CACNA1A: variants seen among roughly 807,000 people sequenced by gnomAD.
CACNA1A encodes calcium voltage-gated channel subunit alpha1 A.
CACNA1A carries 57 observed loss-of-function variants against 262.4 expected under a neutral mutation model. The ratio of observed to expected loss-of-function variants is 0.22; its 90% CI spans 0.18 to 0.27. The LOEUF (loss-of-function observed/expected upper bound fraction) is 0.27, where lower values mean the gene tolerates loss of function less well. CACNA1A is among the 10% of genes least tolerant of loss of function. The pLI is 1.00. For synonymous variants in CACNA1A, 1,431 were observed against 1,419.3 expected (o/e 1.01, Z -0.18); for missense variants, 2,526 against 3,562.8 (o/e 0.71, Z 7.41).
At chr19:13,414,083 G>T (rs1215956018) in intron 3 of CACNA1A, among the ~76,000 whole-genome samples, 1 of 151,902 alleles carries the variant, frequency 6.6e-6, no homozygotes, top group Non-Finnish European at 1.5e-5. Flanking sequence ...AATTAGCCAG[G>T]TGTGTTGGTG....
At chr19:13,396,209 C>A (rs1054942011) in intron 3 of CACNA1A, among the ~76,000 whole-genome samples, 4 of 152,204 alleles carry the variant, frequency 2.6e-5, no homozygotes, top group Non-Finnish European at 1.5e-5. Flanking sequence ...CTTGTCAGAA[C>A]ACTCATTGGT....
intron 3 of CACNA1A, among the ~76,000 whole-genome samples, chr19:13,433,273 A>G (rs1271666311): frequency 6.8e-6 from 1 of 147,442 alleles, no homozygotes. Flanking sequence ...AGCCTGGGCT[A>G]CAGTGCGAGA....
intron 3 of CACNA1A, among the ~76,000 whole-genome samples, chr19:13,437,245 C>A (rs1357139516): frequency 6.6e-6 from 1 of 152,216 alleles, no homozygotes; most frequent in Non-Finnish European, 1.5e-5. Flanking sequence ...TCTAGCCACA[C>A]AGAACTGTGA....
chr19:13,483,298 G>A (rs1242455922), intron 1 of CACNA1A, among the ~76,000 whole-genome samples: 6 of 152,194 alleles, frequency 3.9e-5, no homozygotes, highest in African/African-American at 1.2e-4. Flanking sequence ...TTTAGGGTGA[G>A]TGAGAAGTAC....
At chr19:13,470,405 T>C (rs769806889) in intron 1 of CACNA1A, among the ~76,000 whole-genome samples, 2 of 152,200 alleles carry the variant, frequency 1.3e-5, no homozygotes, top group African/African-American at 2.4e-5. Flanking sequence ...TACTTGACCA[T>C]GCCCTTCTTA....
At chr19:13,449,867 A>AGTGGCTT (rs1163643016) in intron 3 of CACNA1A, among the ~76,000 whole-genome samples, 5 of 152,184 alleles carry the variant, frequency 3.3e-5, no homozygotes, top group African/African-American at 1.2e-4. Context: ...TTTGCTGGGC[A>AGTGGCTT]CAGTGGCTTA....
At chr19:13,342,385 A>G (rs554221216) in intron 6 of CACNA1A, among the ~76,000 whole-genome samples, 1 of 152,314 alleles carries the variant, frequency 6.6e-6, no homozygotes, top group Admixed American at 6.5e-5. Flanking sequence ...AGGGAGGGAT[A>G]TGCACAAGTC....
chr19:13,356,143 C>CTCCA (rs1285909077), intron 6 of CACNA1A, among the ~76,000 whole-genome samples: 1 of 152,230 alleles, frequency 6.6e-6, no homozygotes, highest in East Asian at 1.9e-4. Flanking sequence ...TCACACCTCA[C>CTCCA]TCCACTTCCT....
chr19:13,231,562 G>A (rs1050281886), intron 35 of CACNA1A, 148 bp downstream of exon 35: 20 of 785,752 alleles, frequency 2.5e-5, no homozygotes, highest in Admixed American at 1.9e-4. Context: ...AGTTTGAGAC[G>A]CTCAGGGTCA....
intron 3 of CACNA1A, among the ~76,000 whole-genome samples, chr19:13,397,177 GT>G: frequency 6.6e-6 from 1 of 152,268 alleles, no homozygotes; most frequent in Non-Finnish European, 1.5e-5. Context: ...AGACCTTGAA[GT>G]CCCCCCAGTT....
chr19:13,506,259 G>A lies in CACNA1A; in HGVS notation c.-35C>T, dbSNP rs1196114314. ...AGCAAAGGGCTCCGGGTTACGCTGCGGCGAACGATGCGGAAGACGCCGCCG... is the reference window on the plus strand; with the variant it reads ...AGCAAAGGGCTCCGGGTTACGCTGCAGCGAACGATGCGGAAGACGCCGCCG... On this transcript the variant is annotated 5_prime_UTR_variant, in exon 1 of 47. Coordinates refer to ENST00000360228, the MANE Select transcript of CACNA1A (RefSeq NM_001127222.2). 3.5e-6 allele frequency: 5 copies of A among 1,411,320 alleles called. No homozygotes were observed. Among genetic ancestry groups the A allele is most frequent in the East Asian group, 5.5e-5 (2 of 36,192 alleles). 87.4% of individuals were successfully genotyped at this position (1,411,320 alleles called of 1,614,324 possible).
chr19:13,368,821 G>A (rs1165611893), intron 4 of CACNA1A, among the ~76,000 whole-genome samples: 1 of 129,858 alleles, frequency 7.7e-6, no homozygotes, highest in Non-Finnish European at 1.5e-5. Context: ...GGCGGATCAC[G>A]AGGTCAGGAG....
intron 6 of CACNA1A, among the ~76,000 whole-genome samples, chr19:13,356,942 G>A (rs899007114): frequency 6.6e-6 from 1 of 152,184 alleles, no homozygotes; most frequent in African/African-American, 2.4e-5. Context: ...ACACTCAGAC[G>A]AGGTTTTCAT....
Position 13,299,016 on chromosome 19 carries a change from C to G in CACNA1A, c.2617G>C (p.Gly873Arg), listed in dbSNP as rs750660386. 1 of 1,588,448 alleles carries G rather than the reference C, an allele frequency of 6.3e-7. No homozygotes were observed. Among genetic ancestry groups the G allele is most frequent in the Non-Finnish European group, 8.5e-7 (1 of 1,173,510 alleles). The change falls in exon 19 of 47, where the codon GGC becomes CGC. Residue 873 changes from glycine (G) to arginine (R), a missense_variant. Coordinates refer to ENST00000360228, the MANE Select transcript of CACNA1A (RefSeq NM_001127222.2). ...CTCCGTGCGTCCAGGCCCGCCGAGC[C>G]GCTGGGGTCCCGGGCCCGATCGTGG... ...RYHDRARDPSGSAGLDARRPW... is the reference protein window; with the variant it reads ...RYHDRARDPSRSAGLDARRPW...
rs2058444317 is a variant in CACNA1A, at chr19:13,330,260, A to G, written c.1329T>C (p.Ala443=). The G allele has an allele frequency of 6.4e-7, 1 of 1,558,430 alleles. No individual in the cohort carries two copies. ...GGGACTCACCCACAGAGGCTATATCAGCCAGCTGATCCTCAGCCTCTTCGG... is the reference window on the plus strand; with the variant it reads ...GGGACTCACCCACAGAGGCTATATCGGCCAGCTGATCCTCAGCCTCTTCGG... The part of the protein sequence containing the change: ...LNPEEAEDQL[A]DIASVGSPFA... The change falls in exon 10 of 47, where the codon GCT becomes GCC. Residue 443 remains alanine, a synonymous_variant. Transcript: ENST00000360228.
rs748541646 is a variant in CACNA1A, at chr19:13,303,748, C to G, written c.2104+19G>C. On this transcript the variant is annotated intron_variant, in intron 16 of 46. Transcript: ENST00000360228. ...CAGAGGTCCAGGCCTGTCCCCTTCT[C>G]TCTCTCCATGAAGGATACAGTTCCC... The G allele has an allele frequency of 1.9e-6, 3 of 1,591,484 alleles. No individual in the cohort carries two copies. The East Asian group carries it at 6.7e-5, about 36-fold the overall frequency.
At chr19:13,209,771 G>A (rs1190917960) in intron 44 of CACNA1A, among the ~76,000 whole-genome samples, 1 of 152,188 alleles carries the variant, frequency 6.6e-6, no homozygotes, top group African/African-American at 2.4e-5. Flanking sequence ...GTTCTGACCA[G>A]AAAGATCTGA....
At chr19:13,447,996 C>T (rs2060846153) in intron 3 of CACNA1A, among the ~76,000 whole-genome samples, 1 of 151,466 alleles carries the variant, frequency 6.6e-6, no homozygotes, top group Non-Finnish European at 1.5e-5. Flanking sequence ...ATCCTTCAAG[C>T]TGATCAAGTT....
chr19:13,467,088 T>C (rs1454187167), intron 1 of CACNA1A, among the ~76,000 whole-genome samples: 6 of 152,052 alleles, frequency 3.9e-5, no homozygotes, highest in Admixed American at 3.3e-4. Flanking sequence ...GAATGAGCCC[T>C]GTTTCTGTCT....
Sources: allele counts gnomAD v4.1 joint callset (sites outside exome capture counted in the v4.1 genomes callset), GRCh38; gene constraint gnomAD v4.1.1; transcripts MANE v1.5; gene names NCBI Gene and HGNC (gene_info 2026-07-23, HGNC 2026-07-21).